Variants in NCF4 observed in about 807,000 individuals in gnomAD.
NCF4 encodes the protein neutrophil cytosol factor 4.
Under a neutral mutation model 41.7 loss-of-function variants are expected in NCF4, and 30 were observed. The ratio of observed to expected loss-of-function variants is 0.72; its 90% CI spans 0.54 to 0.97. The LOEUF is 0.97. Ranked by LOEUF, NCF4 falls within the 50% of genes least tolerant of loss-of-function variation. The pLI is 0.00. For synonymous variants in NCF4, 195 were observed against 175.8 expected (o/e 1.11, Z -0.87); for missense variants, 432 against 460.9 (o/e 0.94, Z 0.57).
At position 36,865,838 on chromosome 22, in the gene NCF4, C is replaced by G. The variant is rs908571642; in HGVS notation, c.271+766C>G. On this transcript the variant is annotated intron_variant, in intron 3 of 9. Coordinates refer to ENST00000248899, the MANE Select transcript of NCF4 (RefSeq NM_000631.5). This position sits in a 1 kb window ranked among gnomAD's most constrained non-coding sequence, Gnocchi z 4.3. ...GTTTTTTCTGTCTCTGTTTCTGTCTCTCTCTGTCTCAGCATATGACCCCGC... is the reference window on the plus strand; with the variant it reads ...GTTTTTTCTGTCTCTGTTTCTGTCTGTCTCTGTCTCAGCATATGACCCCGC... Among the ~76,000 whole-genome samples the G allele has an allele frequency of 6.6e-6, 1 of 152,104 alleles. No homozygotes were observed. The highest frequency in any genetic ancestry group is 1.5e-5 in the Non-Finnish European group (1 of 68,010).
chr22:36,867,441 T>C lies in NCF4; in HGVS notation c.321T>C (p.Pro107=). 1 of 1,614,196 alleles carries C rather than the reference T, an allele frequency of 6.2e-7. No homozygotes were observed. The highest frequency in any genetic ancestry group is 8.5e-7 in the Non-Finnish European group (1 of 1,180,026). ...AGGAGATCGCCGAGATGCGGATACC[T>C]GCCCTCAACGCCTACATGAAGGTAC... is the stretch of plus-strand genomic sequence containing the variant. ...VKQEIAEMRI[P]ALNAYMKSLL... The change falls in exon 4 of 10, where the codon CCT becomes CCC. Residue 107 remains proline, a synonymous_variant. Coordinates refer to ENST00000248899, the MANE Select transcript of NCF4 (RefSeq NM_000631.5).
At position 36,865,051 on chromosome 22, in the gene NCF4, T is replaced by A. The variant is rs1939892823; in HGVS notation, c.250T>A (p.Cys84Ser). ...GPDSKSSALACTLPTLPAKVY... is the reference protein window; with the variant it reads ...GPDSKSSALASTLPTLPAKVY... ...AGACAGCAAGAGCAGTGCCCTGGCC[T>A]GTACCCTGCCCACACTCCCAGGTAG... Residue 84 changes from cysteine (C) to serine (S), a missense_variant, in exon 3 of 10, where the codon TGT becomes AGT. By Grantham distance (112) the Cys-to-Ser change is moderately radical (BLOSUM62 -1). Coordinates refer to ENST00000248899, the MANE Select transcript of NCF4 (RefSeq NM_000631.5). This position sits in a 1 kb window ranked among gnomAD's most constrained non-coding sequence, Gnocchi z 4.3. 1 of 1,612,410 alleles carries A rather than the reference T, an allele frequency of 6.2e-7. No homozygotes were observed. Among genetic ancestry groups the A allele is most frequent in the African/African-American group, 1.3e-5 (1 of 75,040 alleles).
Position 36,868,701 on chromosome 22 carries a change from C to T in NCF4, c.342+1239C>T, listed in dbSNP as rs190924298. 1.4e-4 allele frequency among the ~76,000 whole-genome samples: 22 copies of T among 152,154 alleles called. 1 individual carries two copies. The highest frequency in any genetic ancestry group is 4.6e-4 in the African/African-American group (19 of 41,514). ...GGAAGGAGGAAGAGAAGGCAGGAGG[C>T]GAGGCTGGGGAACTGGGGCTCCTCA... On this transcript the variant is annotated intron_variant, in intron 4 of 9. Coordinates refer to ENST00000248899, the MANE Select transcript of NCF4 (RefSeq NM_000631.5).
intron 7 of NCF4, among the ~76,000 whole-genome samples, chr22:36,873,902 C>T (rs555449441): frequency 2.6e-5 from 4 of 152,314 alleles, no homozygotes; most frequent in South Asian, 2.1e-4. Context: ...ATACCTTGCC[C>T]ACAGCAGTAA....
intron 5 of NCF4, among the ~76,000 whole-genome samples, 161 bp from the exon 6 acceptor site, chr22:36,871,491 A>G (rs1327546895): frequency 6.6e-6 from 1 of 152,206 alleles, no homozygotes; most frequent in Non-Finnish European, 1.5e-5. Context: ...GGATTTGGGG[A>G]CAAGTGTGCC....
intron 5 of NCF4, among the ~76,000 whole-genome samples, chr22:36,871,123 C>T (rs908680966): frequency 2.6e-5 from 4 of 152,224 alleles, no homozygotes; most frequent in African/African-American, 9.6e-5. Flanking sequence ...GAGCTCCCCA[C>T]CAGCTCCTCC....
rs760761436 is a variant in NCF4 at position 36,877,595 on chromosome 22, G to T, written c.825-33G>T. 10 of 1,612,232 alleles carry T rather than the reference G, an allele frequency of 6.2e-6. 1 individual carries two copies. Among genetic ancestry groups the T allele is most frequent in the Middle Eastern group, 3.3e-4 (2 of 6,084 alleles). On this transcript the variant is annotated intron_variant, in intron 9 of 9. Coordinates refer to ENST00000248899, the MANE Select transcript of NCF4 (RefSeq NM_000631.5). ...CTCCCTACCCCTACCTTACGCTTAG[G>T]CCCTTTGATTATCCCTGACTTTTCC...
At chr22:36,877,029 CTCTGT>C (rs1276068833) in intron 9 of NCF4, among the ~76,000 whole-genome samples, 5 of 113,966 alleles carry the variant, frequency 4.4e-5, no homozygotes, top group Middle Eastern at 4.2e-3. Context: ...TACAGCCCCA[CTCTGT>C]GCCCAGTCAA....
intron 7 of NCF4, among the ~76,000 whole-genome samples, chr22:36,873,578 G>A (rs1309149380): frequency 6.6e-6 from 1 of 152,152 alleles, no homozygotes; most frequent in African/African-American, 2.4e-5. Flanking sequence ...CAGGTGTTCG[G>A]TGGCAGCAGA....
At chr22:36,862,980 C>A (rs1016321908) in intron 1 of NCF4, among the ~76,000 whole-genome samples, 1 of 152,286 alleles carries the variant, frequency 6.6e-6, no homozygotes, top group Non-Finnish European at 1.5e-5. Context: ...GTGAACTGTG[C>A]GAGTGTGTCT....
chr22:36,870,127 A>G, intron 4 of NCF4: 1 of 468,916 alleles, frequency 2.1e-6, no homozygotes, highest in Non-Finnish European at 3.9e-6. Flanking sequence ...GTTAGTTGTC[A>G]TCACCATTAC....
intron 3 of NCF4, among the ~76,000 whole-genome samples, chr22:36,866,608 C>A (rs2145708467): frequency 6.6e-6 from 1 of 152,216 alleles, no homozygotes; most frequent in South Asian, 2.1e-4. Context: ...AGCTCTAGCC[C>A]AGACCCTCCT....
chr22:36,866,901 G>A (rs527311916), intron 3 of NCF4, among the ~76,000 whole-genome samples: 5 of 152,262 alleles, frequency 3.3e-5, no homozygotes, highest in South Asian at 4.1e-4. Flanking sequence ...GTATGTGGAC[G>A]TGCCTTGAGA....
rs369565034 is a variant in NCF4 at position 36,876,021 on chromosome 22, C to A, written c.759-8C>A. ...ATGCCTCCTTACTCCAGCCTGTCACCCCCTTAGGGACATCGCGGTGGAGGA... is the reference window on the plus strand; with the variant it reads ...ATGCCTCCTTACTCCAGCCTGTCACACCCTTAGGGACATCGCGGTGGAGGA... On this transcript the variant is annotated splice_region_variant and splice_polypyrimidine_tract_variant and intron_variant, in intron 8 of 9. Coordinates refer to ENST00000248899, the MANE Select transcript of NCF4 (RefSeq NM_000631.5). 6.8e-5 allele frequency: 110 copies of A among 1,613,364 alleles called. No homozygotes were observed. The highest frequency in any genetic ancestry group is 9.2e-5 in the Non-Finnish European group (109 of 1,179,492).
At chr22:36,863,578 C>G (rs1230340139) in intron 1 of NCF4, among the ~76,000 whole-genome samples, 2 of 151,506 alleles carry the variant, frequency 1.3e-5, no homozygotes, top group Non-Finnish European at 2.9e-5. Flanking sequence ...TGTGCTCCAG[C>G]CATGCTCAGC....
intron 9 of NCF4, among the ~76,000 whole-genome samples, chr22:36,876,523 AC>A (rs1396035056): frequency 6.6e-6 from 1 of 152,218 alleles, no homozygotes; most frequent in Non-Finnish European, 1.5e-5. Context: ...AATGTCAGTA[AC>A]CATGTCAGAA....
intron 7 of NCF4, among the ~76,000 whole-genome samples, chr22:36,872,762 T>G (rs1601554086): frequency 6.9e-6 from 1 of 144,320 alleles, no homozygotes; most frequent in Non-Finnish European, 1.5e-5. Flanking sequence ...AGGATGGAGG[T>G]GAGGGTGGAG....
At chr22:36,876,133 T>G (rs759719120) in intron 9 of NCF4, 39 bp downstream of exon 9, 5 of 1,542,106 alleles carry the variant, frequency 3.2e-6, no homozygotes, top group Non-Finnish European at 4.4e-6. Flanking sequence ...TTAGATACTC[T>G]GGAGAAGAGA....
At chr22:36,861,248 T>G (rs1419809207) in intron 1 of NCF4, 45 bp downstream of exon 1, 3 of 1,548,156 alleles carry the variant, frequency 1.9e-6, no homozygotes, top group Non-Finnish European at 2.6e-6. Flanking sequence ...TCACTGCTCC[T>G]CATAGGCCTT....
Sources: allele counts gnomAD v4.1 joint callset (sites outside exome capture counted in the v4.1 genomes callset), GRCh38; gene constraint gnomAD v4.1.1; non-coding constraint Gnocchi (gnomAD v3.1); transcripts MANE v1.5; gene names NCBI Gene and HGNC (gene_info 2026-07-23, HGNC 2026-07-21).